The following ROBO2 variants were observed in gnomAD, a reference collection of about 807,000 sequenced individuals.
ROBO2 encodes roundabout homolog 2.
ROBO2 carries 53 observed loss-of-function variants against 160.8 expected under a neutral mutation model. That is an observed-to-expected ratio of 0.33 (90% CI 0.26 to 0.41). ROBO2 has a LOEUF of 0.41. Ranked by LOEUF, ROBO2 falls within the 10% of genes least tolerant of loss-of-function variation. The pLI is 1.00. For synonymous variants in ROBO2, 664 were observed against 611.7 expected, an observed-to-expected ratio of 1.09 and a Z score of -1.26; for missense variants, 1,577 against 1,722.4, an observed-to-expected ratio of 0.92 and a Z score of 1.49.
chr3:76,517,658 T>C (rs12497130), intron 2 of ROBO2, among the ~76,000 whole-genome samples: 45,836 of 152,124 alleles, frequency 0.3, 8,553 homozygotes, highest in Non-Finnish European at 0.41. Flanking sequence ...ACAGTTGCTA[T>C]TGCTATTCCT....
At chr3:77,584,044 A>T (rs1363541174) in intron 16 of ROBO2, among the ~76,000 whole-genome samples, 1 of 152,286 alleles carries the variant, frequency 6.6e-6, no homozygotes, top group East Asian at 1.9e-4. Context: ...CTTTCACCAG[A>T]TCCTACAATC....
At chr3:77,565,589 C>A (rs1203383332) in intron 12 of ROBO2, among the ~76,000 whole-genome samples, 1 of 152,068 alleles carries the variant, frequency 6.6e-6, no homozygotes, top group Non-Finnish European at 1.5e-5. Context: ...GTTAGAAACA[C>A]ACATTTTCAG....
At chr3:76,843,239 C>T in intron 2 of ROBO2, among the ~76,000 whole-genome samples, 1 of 149,704 alleles carries the variant, frequency 6.7e-6, no homozygotes, top group Non-Finnish European at 1.5e-5. Context: ...TATTTATTTG[C>T]TAAATGTAAT....
chr3:75,996,715 A>G (rs1390189942), intron 2 of ROBO2, among the ~76,000 whole-genome samples: 1 of 152,052 alleles, frequency 6.6e-6, no homozygotes, highest in Non-Finnish European at 1.5e-5. Context: ...AAAGTAATGA[A>G]TATCTATTCT....
intron 1 of ROBO2, among the ~76,000 whole-genome samples, chr3:77,042,386 T>C (rs919036449): frequency 7.2e-5 from 11 of 152,246 alleles, no homozygotes; most frequent in Admixed American, 2.6e-4. Flanking sequence ...GTATAACTTT[T>C]AAAAGAATAT....
intron 2 of ROBO2, among the ~76,000 whole-genome samples, chr3:77,101,751 A>G (rs1267017164): frequency 1.3e-5 from 2 of 152,136 alleles, no homozygotes. Flanking sequence ...AAAAATAATA[A>G]AATTGGGGCC....
chr3:77,374,700 T>C (rs1226364734), intron 2 of ROBO2, among the ~76,000 whole-genome samples: 2 of 152,202 alleles, frequency 1.3e-5, no homozygotes, highest in Non-Finnish European at 1.5e-5. Context: ...GTTTAAAATA[T>C]ACTTTGCTGC....
chr3:76,142,442 A>G (rs911020566), intron 2 of ROBO2, among the ~76,000 whole-genome samples: 3 of 152,036 alleles, frequency 2.0e-5, no homozygotes, highest in Admixed American at 6.6e-5. Flanking sequence ...ATGGATAAAG[A>G]AAATGTAGTA....
chr3:76,068,868 A>G (rs1277154364), intron 2 of ROBO2, among the ~76,000 whole-genome samples: 2 of 152,172 alleles, frequency 1.3e-5, no homozygotes, highest in Non-Finnish European at 2.9e-5. Context: ...ATAGGTAATC[A>G]TTGACTTCTC....
chr3:77,628,578 A>G (rs1583385292), intron 23 of ROBO2, among the ~76,000 whole-genome samples: 1 of 152,190 alleles, frequency 6.6e-6, no homozygotes, highest in African/African-American at 2.4e-5. Flanking sequence ...GCCATTTTAC[A>G]GAAGGAATTC....
chr3:76,102,289 A>G (rs543251873), intron 2 of ROBO2, among the ~76,000 whole-genome samples: 1 of 152,318 alleles, frequency 6.6e-6, no homozygotes, highest in East Asian at 1.9e-4. Flanking sequence ...TTTGAAGGAT[A>G]ACATTTGGAT....
At chr3:76,035,604 T>C (rs1048770122) in intron 2 of ROBO2, among the ~76,000 whole-genome samples, 1 of 152,078 alleles carries the variant, frequency 6.6e-6, no homozygotes, top group Non-Finnish European at 1.5e-5. Flanking sequence ...TGTTAAGACA[T>C]AATGTTTGAT....
intron 2 of ROBO2, among the ~76,000 whole-genome samples, chr3:77,435,093 T>TA (rs536752530): frequency 2.2e-3 from 333 of 152,074 alleles, no homozygotes; most frequent in South Asian, 3.1e-3. Context: ...AAGAAGTAGG[T>TA]AAAAAAGAAG....
intron 2 of ROBO2, among the ~76,000 whole-genome samples, chr3:76,889,161 T>G (rs2074148063): frequency 6.6e-6 from 1 of 152,164 alleles, no homozygotes; most frequent in Admixed American, 6.5e-5. Flanking sequence ...TTTACAATGA[T>G]AGAGAGAAAC....
chr3:76,212,155 T>C (rs912251998), intron 2 of ROBO2, among the ~76,000 whole-genome samples: 1 of 151,986 alleles, frequency 6.6e-6, no homozygotes, highest in Non-Finnish European at 1.5e-5. Flanking sequence ...TAATATATAA[T>C]ATACAAATTT....
At chr3:76,084,181 A>T (rs2068930477) in intron 2 of ROBO2, among the ~76,000 whole-genome samples, 1 of 152,162 alleles carries the variant, frequency 6.6e-6, no homozygotes, top group South Asian at 2.1e-4. Flanking sequence ...GAAGCCAAAT[A>T]TGTAGAAGAA....
At chr3:77,432,810 C>T (rs1171609368) in intron 2 of ROBO2, among the ~76,000 whole-genome samples, 2 of 152,106 alleles carry the variant, frequency 1.3e-5, no homozygotes, top group East Asian at 1.9e-4. Flanking sequence ...CTAGTCGACC[C>T]GTATGCTGGT....
At chr3:77,381,209 G>C (rs913067121) in intron 2 of ROBO2, among the ~76,000 whole-genome samples, 5 of 152,156 alleles carry the variant, frequency 3.3e-5, no homozygotes, top group Admixed American at 2.6e-4. Context: ...CAGCTACTCC[G>C]GAGGCTGAGG....
At chr3:77,469,866 G>A (rs772290516) in intron 2 of ROBO2, among the ~76,000 whole-genome samples, 2 of 152,092 alleles carry the variant, frequency 1.3e-5, no homozygotes, top group African/African-American at 2.4e-5. Flanking sequence ...TCAACCAATC[G>A]ACATTATTTG....
Sources: allele counts gnomAD v4.1 joint callset (sites outside exome capture counted in the v4.1 genomes callset), GRCh38; gene constraint gnomAD v4.1.1; transcripts MANE v1.5; gene names NCBI Gene and HGNC (gene_info 2026-07-23, HGNC 2026-07-21).